GRAMD1B: variants seen among roughly 807,000 people sequenced by gnomAD.
The protein encoded by GRAMD1B is protein Aster-B.
Under a neutral mutation model 99.7 loss-of-function variants are expected in GRAMD1B, and 37 were observed. The observed-to-expected ratio is 0.37, with a 90% CI of 0.29 to 0.49. The LOEUF (loss-of-function observed/expected upper bound fraction) is 0.49. Ranked by LOEUF, GRAMD1B falls within the 20% of genes least tolerant of loss-of-function variation. The pLI, the probability that GRAMD1B is intolerant of heterozygous loss-of-function variation, is 0.98. For synonymous variants in GRAMD1B, 427 were observed against 387.6 expected (o/e 1.10, Z -1.19); for missense variants, 888 against 1,009.2 (o/e 0.88, Z 1.63).
intron 1 of GRAMD1B, chr11:123,431,870 GCGC>G: frequency 2.6e-6 from 1 of 391,482 alleles, no homozygotes. Context: ...TTGCTGCAGG[GCGC>G]CCTAGAGCAG....
rs532119190 is a variant in GRAMD1B, at chr11:123,517,719, C to T, written c.452+36826C>T. On this transcript the variant is annotated intron_variant, in intron 2 of 19. Transcript: ENST00000635736. ...CTTGTCCTATCATCGAACAATTTCT[C>T]TGCCAACAATAAATAGATTCTTATT... Among the ~76,000 whole-genome samples, 25 of 152,364 alleles carry T rather than the reference C, an allele frequency of 1.6e-4. No homozygotes were observed. In the South Asian group the frequency reaches 4.3e-3, roughly 27 times the overall value.
chr11:123,613,598 A>G lies in GRAMD1B; in HGVS notation c.2167A>G (p.Met723Val), dbSNP rs1160090336. The change falls in exon 16 of 20, where the codon ATG becomes GTG. Residue 723 changes from methionine (M) to valine (V), a missense_variant. Met to Val is a conservative substitution (Grantham distance 21, BLOSUM62 1). This residue lies in a region of GRAMD1B where 232 missense variants were observed against 261.7 expected (regional missense o/e 0.89). Coordinates refer to ENST00000635736, the MANE Select transcript of GRAMD1B (RefSeq NM_001387025.1). The stretch of plus-strand genomic sequence containing the variant: ...GCGAGTCCCTCACCTGGAAGAGGTG[A>G]TGAGCCCGGTCACCACGCCCACAGA... ...HLRVPHLEEV[M>V]SPVTTPTDED... 6.2e-7 allele frequency: 1 copy of G among 1,613,936 alleles called. No individual in the cohort carries two copies. The highest frequency in any genetic ancestry group is 2.2e-5 in the East Asian group (1 of 44,876).
At chr11:123,543,522 A>G (rs1047394318) in intron 2 of GRAMD1B, among the ~76,000 whole-genome samples, 1 of 152,244 alleles carries the variant, frequency 6.6e-6, no homozygotes, top group African/African-American at 2.4e-5. Context: ...CCACTGTCAC[A>G]TAACAGCAAG....
At chr11:123,559,628 A>T in intron 2 of GRAMD1B, 1 of 982,796 alleles carries the variant, frequency 1.0e-6, no homozygotes, top group Non-Finnish European at 1.2e-6. Context: ...AGAGAAAAAA[A>T]AAACACTTCT....
chr11:123,447,041 T>C (rs774564870), intron 1 of GRAMD1B, among the ~76,000 whole-genome samples: 5 of 152,082 alleles, frequency 3.3e-5, no homozygotes, highest in African/African-American at 1.2e-4. Flanking sequence ...GAGCTCCCAA[T>C]TGAGTGTGTG....
At chr11:123,399,080 A>G (rs1446362978) in intron 1 of GRAMD1B, among the ~76,000 whole-genome samples, 1 of 152,012 alleles carries the variant, frequency 6.6e-6, no homozygotes, top group Non-Finnish European at 1.5e-5. Context: ...CTTGACTTAT[A>G]CTCCTCATTT....
At chr11:123,560,166 G>A in intron 2 of GRAMD1B, 1 of 999,420 alleles carries the variant, frequency 1.0e-6, no homozygotes, top group Non-Finnish European at 1.2e-6. Flanking sequence ...ATGTAAACCG[G>A]CAGGCGACGT....
At chr11:123,517,717 C>A (rs1039841039) in intron 2 of GRAMD1B, among the ~76,000 whole-genome samples, 6 of 152,344 alleles carry the variant, frequency 3.9e-5, no homozygotes, top group African/African-American at 1.2e-4. Context: ...CGAACAATTT[C>A]TCTGCCAACA....
At chr11:123,370,822 G>A (rs1022273637) in intron 1 of GRAMD1B, among the ~76,000 whole-genome samples, 4 of 152,100 alleles carry the variant, frequency 2.6e-5, no homozygotes, top group African/African-American at 9.7e-5. Context: ...GAGTTGGAAA[G>A]CATGCTCTAT....
chr11:123,403,896 A>G (rs922788717), intron 1 of GRAMD1B, among the ~76,000 whole-genome samples: 22 of 152,154 alleles, frequency 1.4e-4, no homozygotes, highest in Non-Finnish European at 4.4e-5. Flanking sequence ...ATTTTAGCCT[A>G]GTCTTTGCCA....
chr11:123,408,107 G>A (rs1009645319), intron 1 of GRAMD1B, among the ~76,000 whole-genome samples: 7 of 152,346 alleles, frequency 4.6e-5, no homozygotes, highest in East Asian at 1.9e-4. Context: ...GAACACCAGT[G>A]TGGGGCTGAC....
chr11:123,558,164 A>G (rs1946354800), intron 2 of GRAMD1B, among the ~76,000 whole-genome samples: 1 of 151,690 alleles, frequency 6.6e-6, no homozygotes. Context: ...TTGTATTTTT[A>G]GTAGAGATGG....
chr11:123,421,310 T>C (rs935308566), intron 1 of GRAMD1B, among the ~76,000 whole-genome samples: 12 of 152,250 alleles, frequency 7.9e-5, no homozygotes, highest in Non-Finnish European at 1.5e-4. Flanking sequence ...GGGAATTAGA[T>C]GCGCACAGAA....
chr11:123,612,622 G>A, intron 14 of GRAMD1B, 139 bp from the exon 15 acceptor site: 1 of 691,594 alleles, frequency 1.4e-6, no homozygotes, highest in Admixed American at 2.0e-5. Flanking sequence ...AGGGTGAGAT[G>A]GATGTGGAAG....
At chr11:123,613,417 G>A (rs1229327378) in intron 15 of GRAMD1B, 38 bp from the exon 16 acceptor site, 6 of 1,433,634 alleles carry the variant, frequency 4.2e-6, no homozygotes, top group Non-Finnish European at 5.8e-6. Context: ...TTGGAGGGCT[G>A]AAGGTGGCCT....
upstream of GRAMD1B, among the ~76,000 whole-genome samples, chr11:123,426,283 A>G (rs1948647218): frequency 6.6e-6 from 1 of 152,176 alleles, no homozygotes; most frequent in Non-Finnish European, 1.5e-5. Context: ...CTACAGAGAA[A>G]GCCATTCTCT....
chr11:123,583,912 G>C (rs565910324), intron 3 of GRAMD1B, among the ~76,000 whole-genome samples: 1 of 152,132 alleles, frequency 6.6e-6, no homozygotes, highest in South Asian at 2.1e-4. Flanking sequence ...TTTACAGGGG[G>C]CTGTCTTAGA....
intron 9 of GRAMD1B, 96 bp from the exon 10 acceptor site, chr11:123,605,226 A>C: frequency 1.2e-6 from 1 of 804,814 alleles, no homozygotes. Context: ...AGGAAATCTC[A>C]TAGATATGGA....
intron 1 of GRAMD1B, among the ~76,000 whole-genome samples, chr11:123,452,396 A>G (rs1399133520): frequency 6.6e-6 from 1 of 152,192 alleles, no homozygotes; most frequent in East Asian, 1.9e-4. Flanking sequence ...CTGTAGTCCC[A>G]GCACTTTGGG....
Sources: allele counts gnomAD v4.1 joint callset (sites outside exome capture counted in the v4.1 genomes callset), GRCh38; gene constraint gnomAD v4.1.1; regional missense constraint gnomAD v4.1.1; transcripts MANE v1.5; gene names NCBI Gene and HGNC (gene_info 2026-07-23, HGNC 2026-07-21).